Variants in FCRLB observed in about 807,000 individuals in gnomAD.
The protein encoded by FCRLB is Fc receptor like B.
In FCRLB, 34 loss-of-function variants were observed where a neutral mutation model predicts 33.6. The ratio of observed to expected loss-of-function variants is 1.01; its 90% CI spans 0.77 to 1.35. FCRLB has a LOEUF of 1.35. Among genes scored for constraint, FCRLB ranks in the 40% most tolerant of loss-of-function variants. The probability of loss-of-function intolerance (pLI) is 0.00; values close to 1 mark genes in which losing one functional copy is unlikely to be tolerated. For synonymous variants in FCRLB, 280 were observed against 255.9 expected (o/e 1.09, Z -0.90); for missense variants, 560 against 580.2 (o/e 0.97, Z 0.36).
chr1:161,726,947 CCGCAG>C lies in FCRLB; in HGVS notation c.820_824del (p.Arg274CysfsTer36). On this transcript the variant is annotated frameshift_variant, in exon 7 of 8. Coordinates refer to ENST00000367948, the Ensembl canonical transcript of FCRLB. LOFTEE classifies it low-confidence loss of function (END_TRUNC). This position sits in a 1 kb window ranked among gnomAD's most constrained non-coding sequence, Gnocchi z 5.2. ...ACTGGTGCGAGGCGGCTACCGCCAC[CCGCAG>C]TGTCCGGAAACGCAGTCCGTGGCTG... is the stretch of plus-strand genomic sequence containing the variant. The C allele has an allele frequency of 6.4e-7, 1 of 1,551,978 alleles. No individual in the cohort carries two copies. The highest frequency in any genetic ancestry group is 1.2e-5 in the South Asian group (1 of 83,212).
rs997958504 is a variant in FCRLB, at chr1:161,726,641, G to C, written c.575-62G>C. The stretch of plus-strand genomic sequence containing the variant: ...TGCAAGGAGCCCTCGCGGGAAGCAG[G>C]AAGGAGCGGGGTCGCGGAGCGGTGG... On this transcript the variant is annotated intron_variant, in intron 6 of 7. Transcript: ENST00000367948. The surrounding 1 kb of genome is among the most constrained non-coding windows in gnomAD (Gnocchi z 5.2). 2 of 1,546,974 alleles carry C rather than the reference G, an allele frequency of 1.3e-6. No homozygotes were observed. The highest frequency in any genetic ancestry group is 1.9e-5 in the Admixed American group (1 of 52,446).
Position 161,723,010 on chromosome 1 carries a change from GT to G in FCRLB, c.52+2del. On this transcript the variant is annotated splice_donor_variant, in intron 4 of 7. Transcript: ENST00000367948. LOFTEE classifies it high-confidence loss of function. ...GCAGTTCCAAGCAGTGGGCAAGCTG[GT>G]GAGTCTTATAAATTTCTCATCCCAA... 2.5e-6 allele frequency: 4 copies of G among 1,613,748 alleles called. No homozygotes were observed. The South Asian group carries it at 3.3e-5, about 13-fold the overall frequency.
At position 161,726,653 on chromosome 1, in the gene FCRLB, T is replaced by C; in HGVS notation, c.575-50T>C. ...TCGCGGGAAGCAGGAAGGAGCGGGG[T>C]CGCGGAGCGGTGGACAAGCCGGCGC... On this transcript the variant is annotated intron_variant, in intron 6 of 7. Coordinates refer to ENST00000367948, the Ensembl canonical transcript of FCRLB. This position sits in a 1 kb window ranked among gnomAD's most constrained non-coding sequence, Gnocchi z 5.2. The C allele has an allele frequency of 6.4e-7, 1 of 1,551,008 alleles. No homozygotes were observed. The highest frequency in any genetic ancestry group is 8.7e-7 in the Non-Finnish European group (1 of 1,155,846).
In FCRLB at chr1:161,726,906, G is replaced by C. The variant is rs1412618704; in HGVS notation, c.778G>C (p.Glu260Gln). Residue 260 changes from glutamate to glutamine, a missense_variant, in exon 7 of 8, where the codon GAG becomes CAG. Glu to Gln is a conservative substitution (Grantham distance 29). Coordinates refer to ENST00000367948, the Ensembl canonical transcript of FCRLB. This position sits in a 1 kb window ranked among gnomAD's most constrained non-coding sequence, Gnocchi z 5.2. ...GTACACAGTCCCGGAGCCCGAGGTCGAGGAGCTCGAATCGTACTGGTGCGA... is the reference window on the plus strand; with the variant it reads ...GTACACAGTCCCGGAGCCCGAGGTCCAGGAGCTCGAATCGTACTGGTGCGA... The C allele has an allele frequency of 6.3e-7, 1 of 1,589,432 alleles. No homozygotes were observed. Among genetic ancestry groups the C allele is most frequent in the Middle Eastern group, 1.9e-4 (1 of 5,384 alleles).
chr1:161,727,146 C>T, intron 7 of FCRLB, 101 bp from the exon 8 acceptor site: 1 of 1,378,576 alleles, frequency 7.3e-7, no homozygotes, highest in African/African-American at 1.5e-5. Context: ...ACCCCTCTTC[C>T]GGCCTTCCCC....
At chr1:161,727,906 A>G (rs1300256547) in exon 8 of FCRLB, 1 of 499,026 alleles carries the variant, frequency 2.0e-6, no homozygotes, top group African/African-American at 1.9e-5. Flanking sequence ...CTACATTGTG[A>G]TTTAACTTTG....
At chr1:161,723,036 A>G (rs758310513) in intron 4 of FCRLB, 27 bp downstream of exon 4, 12 of 1,613,288 alleles carry the variant, frequency 7.4e-6, no homozygotes, top group Non-Finnish European at 8.5e-6. Context: ...TCTCATCCCA[A>G]TTTTCTACAG....
Position 161,726,348 on chromosome 1 carries a change from C to A in FCRLB, c.574+261C>A. On this transcript the variant is annotated intron_variant, in intron 6 of 7. Coordinates refer to ENST00000367948, the Ensembl canonical transcript of FCRLB. This position sits in a 1 kb window ranked among gnomAD's most constrained non-coding sequence, Gnocchi z 5.2. ...ACTCCCACAGAGAGGGCAGCTCTGGCAGGGGCAGGGGCCACTGTGGGACTG... is the reference window on the plus strand; with the variant it reads ...ACTCCCACAGAGAGGGCAGCTCTGGAAGGGGCAGGGGCCACTGTGGGACTG... The A allele has an allele frequency of 1.3e-6, 1 of 743,294 alleles. No homozygotes were observed. Among genetic ancestry groups the A allele is most frequent in the Admixed American group, 2.0e-5 (1 of 49,754 alleles). 46.0% of individuals were successfully genotyped at this position (743,294 alleles called of 1,614,324 possible).
In FCRLB at chr1:161,727,661, G is replaced by C. The variant is rs141685324; in HGVS notation, c.1280G>C (p.Ter427SerextTer48). Reference sequence around the variant, plus strand: ...CCAGAGACCACTCCTGTGGAGAGCTGAGGGGGCGGCTACCGTCCCCTCTGC... The same window carrying C: ...CCAGAGACCACTCCTGTGGAGAGCTCAGGGGGCGGCTACCGTCCCCTCTGC... The change falls in exon 8 of 8, where the codon TGA (stop) becomes TCA (serine). Residue 427 changes from the stop codon to serine, a stop_lost. Coordinates refer to ENST00000367948, the Ensembl canonical transcript of FCRLB. 111 of 1,588,276 alleles carry C rather than the reference G, an allele frequency of 7.0e-5. 1 individual carries two copies. In the African/African-American group the frequency reaches 1.4e-3, roughly 20 times the overall value.
At chr1:161,725,771 C>T (rs1212884662) in intron 5 of FCRLB, 50 bp from the exon 6 acceptor site, 1 of 1,547,294 alleles carries the variant, frequency 6.5e-7, no homozygotes, top group South Asian at 1.2e-5. Context: ...GGGAGATCTC[C>T]AGGGCTGGAC....
In FCRLB at chr1:161,726,071, G is replaced by A. The variant is rs1683547490; in HGVS notation, c.558G>A (p.Val186=). The change falls in exon 6 of 8, where the codon GTG becomes GTA. Residue 186 remains valine, a synonymous_variant. Transcript: ENST00000367948. This position sits in a 1 kb window ranked among gnomAD's most constrained non-coding sequence, Gnocchi z 5.2. Reference sequence around the variant, plus strand: ...GCGCGCCCATGTTCTCCGCTAAGGTGGCTGTGACAGTGCAAGGTGGGAGAG... The same window carrying A: ...GCGCGCCCATGTTCTCCGCTAAGGTAGCTGTGACAGTGCAAGGTGGGAGAG... 1 of 1,609,728 alleles carries A rather than the reference G, an allele frequency of 6.2e-7. No homozygotes were observed. The highest frequency in any genetic ancestry group is 1.3e-5 in the African/African-American group (1 of 74,994).
intron 5 of FCRLB, among the ~76,000 whole-genome samples, chr1:161,725,332 G>C (rs1047782546): frequency 1.3e-5 from 2 of 152,158 alleles, no homozygotes; most frequent in South Asian, 2.1e-4. Flanking sequence ...ACCAGGGAAG[G>C]CCTGTCCGCT....
exon 8 of FCRLB, chr1:161,727,398 G>C: frequency 6.2e-7 from 1 of 1,613,362 alleles, no homozygotes; most frequent in Non-Finnish European, 8.5e-7. Flanking sequence ...CCACCGGGCT[G>C]CAGTTCCCGG....
At position 161,726,131 on chromosome 1, in the gene FCRLB, G is replaced by A; in HGVS notation, c.574+44G>A. 6.2e-7 allele frequency: 1 copy of A among 1,609,122 alleles called. No individual in the cohort carries two copies. Among genetic ancestry groups the A allele is most frequent in the Non-Finnish European group, 8.5e-7 (1 of 1,176,602 alleles). On this transcript the variant is annotated intron_variant, in intron 6 of 7. Coordinates refer to ENST00000367948, the Ensembl canonical transcript of FCRLB. This position sits in a 1 kb window ranked among gnomAD's most constrained non-coding sequence, Gnocchi z 5.2. ...CCCGGGAGGGAGGCAAATGAGCATT[G>A]AGAAATTCTGGGACAGGAGCTCGGC... is the stretch of plus-strand genomic sequence containing the variant.
At chr1:161,723,973 A>G (rs900136077) in intron 5 of FCRLB, among the ~76,000 whole-genome samples, 7 of 152,178 alleles carry the variant, frequency 4.6e-5, no homozygotes, top group African/African-American at 1.7e-4. Context: ...GAAATTCACC[A>G]AACAGGAAAG....
At position 161,726,030 on chromosome 1, in the gene FCRLB, C is replaced by T; in HGVS notation, c.517C>T (p.Arg173Cys). 6.2e-7 allele frequency: 1 copy of T among 1,613,650 alleles called. No individual in the cohort carries two copies. The highest frequency in any genetic ancestry group is 8.5e-7 in the Non-Finnish European group (1 of 1,179,690). Reference sequence around the variant, plus strand: ...GCGCTACCAGTGCTCGGGCACCATGCGCATCCCGGTGGAGAGCGCGCCCAT... The same window carrying T: ...GCGCTACCAGTGCTCGGGCACCATGTGCATCCCGGTGGAGAGCGCGCCCAT... The change falls in exon 6 of 8, where the codon CGC becomes TGC. Residue 173 changes from arginine (R) to cysteine (C), a missense_variant. Arg to Cys is a radical substitution (Grantham distance 180). Coordinates refer to ENST00000367948, the Ensembl canonical transcript of FCRLB. This position sits in a 1 kb window ranked among gnomAD's most constrained non-coding sequence, Gnocchi z 5.2.
chr1:161,727,373 T>C, exon 8 of FCRLB: 1 of 1,613,530 alleles, frequency 6.2e-7, no homozygotes, highest in Non-Finnish European at 8.5e-7. Flanking sequence ...GTCACCTCCG[T>C]CCGGAACACC....
exon 8 of FCRLB, chr1:161,727,492 G>C (rs758365312): frequency 6.2e-7 from 1 of 1,614,192 alleles, no homozygotes; most frequent in Non-Finnish European, 8.5e-7. Context: ...GAAACCCGAC[G>C]TGGACCTTCT....
chr1:161,725,277 C>T (rs1252985441), intron 5 of FCRLB, among the ~76,000 whole-genome samples: 1 of 152,236 alleles, frequency 6.6e-6, no homozygotes, highest in East Asian at 1.9e-4. Flanking sequence ...CCTTCCCACT[C>T]ACCTACAAAT....
Sources: gnomAD v4.1 joint callset for allele counts (sites outside exome capture counted in the v4.1 genomes callset) on GRCh38, gnomAD v4.1.1 for gene constraint, Gnocchi (gnomAD v3.1) non-coding constraint, MANE v1.5 for transcripts, NCBI Gene and HGNC (gene_info 2026-07-23, HGNC 2026-07-21) for gene names.